The following DENND6A variants were observed in gnomAD, a reference collection of about 807,000 sequenced individuals.
DENND6A encodes the protein DENN domain containing 6A.
A neutral mutation model predicts 95.5 loss-of-function variants in DENND6A; 43 were observed. The observed-to-expected ratio is 0.45, with a 90% CI of 0.35 to 0.58. The LOEUF (loss-of-function observed/expected upper bound fraction) is 0.58. DENND6A is among the 20% of genes least tolerant of loss of function. The pLI is 0.00. For synonymous variants in DENND6A, 257 were observed against 260.4 expected (o/e 0.99, Z 0.13); for missense variants, 574 against 736.0 (o/e 0.78, Z 2.55).
chr3:57,672,201 T>C (rs544928807), intron 3 of DENND6A, 55 bp downstream of exon 3: 2 of 1,469,574 alleles, frequency 1.4e-6, no homozygotes, highest in East Asian at 2.3e-5. Flanking sequence ...ATTAACAGTA[T>C]AACCAGTATT....
intron 1 of DENND6A, among the ~76,000 whole-genome samples, chr3:57,680,047 T>G (rs527664829): frequency 6.6e-6 from 1 of 152,316 alleles, no homozygotes; most frequent in South Asian, 2.1e-4. Context: ...AAAAGTTAAC[T>G]TCAGGTGGAG....
chr3:57,642,666 A>G (rs868635918), intron 11 of DENND6A, among the ~76,000 whole-genome samples: 1 of 152,116 alleles, frequency 6.6e-6, no homozygotes, highest in Non-Finnish European at 1.5e-5. Flanking sequence ...AAACTACCAG[A>G]TAACCAAGTG....
intron 1 of DENND6A, among the ~76,000 whole-genome samples, chr3:57,690,253 C>G (rs1382619615): frequency 2.0e-5 from 3 of 152,070 alleles, no homozygotes; most frequent in Admixed American, 1.3e-4. Context: ...TGCCTGTAAT[C>G]CCAGCACTTT....
intron 12 of DENND6A, among the ~76,000 whole-genome samples, chr3:57,640,814 C>A (rs2070914110): frequency 6.6e-6 from 1 of 152,052 alleles, no homozygotes; most frequent in African/African-American, 2.4e-5. Context: ...TTTCTCATAT[C>A]TTCTCATACG....
rs748266949 is a variant in DENND6A at position 57,628,796 on chromosome 3, G to A, written c.1695+15C>T. 3 of 1,606,400 alleles carry A rather than the reference G, an allele frequency of 1.9e-6. 1 individual carries two copies. In the South Asian group the frequency reaches 3.4e-5, roughly 18 times the overall value. The stretch of plus-strand genomic sequence containing the variant: ...AGAAAAGTCAATTTAATCTTTGGCT[G>A]TTTTGGCTACATACCAGCTTATTTT... On this transcript the variant is annotated intron_variant, in intron 19 of 19. Coordinates refer to ENST00000311128, the MANE Select transcript of DENND6A (RefSeq NM_152678.3).
chr3:57,686,400 TCCAA>T (rs1231893390), intron 1 of DENND6A, among the ~76,000 whole-genome samples: 2 of 152,218 alleles, frequency 1.3e-5, no homozygotes, highest in African/African-American at 4.8e-5. Flanking sequence ...CTTGTTGCCT[TCCAA>T]TACCATTCTT....
intron 5 of DENND6A, among the ~76,000 whole-genome samples, chr3:57,663,151 C>CAAAAAA (rs754194795): frequency 3.5e-4 from 14 of 40,008 alleles, no homozygotes; most frequent in East Asian, 7.4e-4. Context: ...AACTCCATAT[C>CAAAAAA]AAAAAAAAAA....
intron 1 of DENND6A, among the ~76,000 whole-genome samples, chr3:57,691,956 G>A (rs377627890): frequency 6.6e-6 from 1 of 152,062 alleles, no homozygotes. Context: ...ATGAGGCCGG[G>A]CACGGTGGCT....
chr3:57,690,160 C>G (rs924091440), intron 1 of DENND6A, among the ~76,000 whole-genome samples: 7 of 151,074 alleles, frequency 4.6e-5, no homozygotes, highest in Non-Finnish European at 1.0e-4. Context: ...GCCTGGCCAA[C>G]ATGGTGAAAC....
intron 14 of DENND6A, 41 bp downstream of exon 14, chr3:57,634,517 G>T: frequency 8.6e-7 from 1 of 1,160,122 alleles, no homozygotes; most frequent in South Asian, 2.0e-5. Flanking sequence ...TTACATACCT[G>T]AACAAGGAAA....
chr3:57,692,229 CAAAAAAA>C (rs11303769), intron 1 of DENND6A, among the ~76,000 whole-genome samples: 2 of 72,872 alleles, frequency 2.7e-5, no homozygotes, highest in African/African-American at 5.3e-5. Flanking sequence ...AACTCCGTCT[CAAAAAAA>C]AAAAAAAAAA....
rs1289919933 is a variant in DENND6A at position 57,692,959 on chromosome 3, C to A, written c.60G>T (p.Ala20=). The A allele has an allele frequency of 1.9e-6, 3 of 1,545,414 alleles. No individual in the cohort carries two copies. Among genetic ancestry groups the A allele is most frequent in the Non-Finnish European group, 2.6e-6 (3 of 1,153,694 alleles). Residue 20 remains alanine, a synonymous_variant, in exon 1 of 20, where the codon GCG becomes GCT. Transcript: ENST00000311128. The part of the protein sequence containing the change: ...GPGSRRPLDE[A]VAGAEGREAP... The stretch of plus-strand genomic sequence containing the variant: ...CCTCGCGGCCCTCGGCCCCTGCCAC[C>A]GCTTCGTCCAACGGCCTTCGAGAGC...
chr3:57,649,266 C>T (rs1468100280), intron 9 of DENND6A, among the ~76,000 whole-genome samples: 1 of 152,104 alleles, frequency 6.6e-6, no homozygotes, highest in East Asian at 1.9e-4. Flanking sequence ...CTTAACATCA[C>T]TAATTATCAG....
At chr3:57,689,751 G>A (rs2077243718) in intron 1 of DENND6A, among the ~76,000 whole-genome samples, 1 of 152,226 alleles carries the variant, frequency 6.6e-6, no homozygotes, top group East Asian at 1.9e-4. Context: ...GGCTAAAAAC[G>A]TTAGCTTCTC....
intron 4 of DENND6A, among the ~76,000 whole-genome samples, chr3:57,664,446 C>G (rs535655227): frequency 6.6e-6 from 1 of 152,274 alleles, no homozygotes; most frequent in African/African-American, 2.4e-5. Flanking sequence ...ATATTGACCA[C>G]CTACTTTGAA....
intron 9 of DENND6A, among the ~76,000 whole-genome samples, chr3:57,650,794 T>TTG (rs1374819018): frequency 6.6e-6 from 1 of 151,522 alleles, no homozygotes; most frequent in African/African-American, 2.4e-5. Context: ...AATTTTTTTT[T>TTG]TTTTTTTGAG....
chr3:57,677,419 C>CTTTTTTTTT (rs71088101), intron 1 of DENND6A, among the ~76,000 whole-genome samples: 10 of 68,750 alleles, frequency 1.5e-4, no homozygotes, highest in Non-Finnish European at 2.5e-4. Context: ...CTTTGTTGTC[C>CTTTTTTTTT]TTTTTTTTTT....
In DENND6A at chr3:57,627,466, T is replaced by C. The variant is rs1447373137; in HGVS notation, c.*748A>G. The C allele has an allele frequency of 6.6e-6, 1 of 151,974 alleles. No homozygotes were observed. Among genetic ancestry groups the C allele is most frequent in the African/African-American group, 2.4e-5 (1 of 41,334 alleles). The allele number at this position is 151,974 out of a possible 1,614,324, so 9.4% of individuals were successfully genotyped here. A position where few individuals can be genotyped will look rare whatever the true frequency, so the allele number is the denominator to read the frequency against. ...GCCTAATGTTTAAATTAGTAAAGGG[T>C]AAGAGAAAATAAACTCTTCCATCAT... On this transcript the variant is annotated 3_prime_UTR_variant, in exon 20 of 20. Coordinates refer to ENST00000311128, the MANE Select transcript of DENND6A (RefSeq NM_152678.3).
In DENND6A at chr3:57,666,222, A is replaced by AT; in HGVS notation, c.332dup (p.Asp111GlufsTer7). On this transcript the variant is annotated frameshift_variant, in exon 4 of 20. Coordinates refer to ENST00000311128, the MANE Select transcript of DENND6A (RefSeq NM_152678.3). LOFTEE classifies it high-confidence loss of function. ...GTCGAAATCTAAAACAAAACTGGGT[A>AT]TCTCCAAGACAACCTAATGAAAATA... 6.2e-7 allele frequency: 1 copy of AT among 1,613,246 alleles called. No homozygotes were observed. Among genetic ancestry groups the AT allele is most frequent in the Non-Finnish European group, 8.5e-7 (1 of 1,179,262 alleles).
Sources: gnomAD v4.1 joint callset for allele counts (sites outside exome capture counted in the v4.1 genomes callset) on GRCh38, gnomAD v4.1.1 for gene constraint, MANE v1.5 for transcripts, NCBI Gene and HGNC (gene_info 2026-07-23, HGNC 2026-07-21) for gene names.